The following TMEM217B variants were observed in gnomAD, a reference collection of about 807,000 sequenced individuals.
TMEM217B encodes the protein putative transmembrane protein 217B.
chr6:37,218,360 G>A, the TMEM217B span: 19 of 1,320,930 alleles, frequency 1.4e-5, no homozygotes, highest in East Asian at 9.4e-5. Flanking sequence ...TAGTAGAGAC[G>A]GGGTTTTGCC....
the TMEM217B span, chr6:37,212,924 G>A: frequency 6.5e-7 from 1 of 1,549,996 alleles, no homozygotes; most frequent in South Asian, 1.2e-5. Context: ...GTGGTATTAA[G>A]GACAGAGAAG....
the TMEM217B span, among the ~76,000 whole-genome samples, chr6:37,245,508 G>T: frequency 6.6e-6 from 1 of 152,242 alleles, no homozygotes; most frequent in African/African-American, 2.4e-5. Context: ...CATGTGCCAT[G>T]ACTTAGTTCA....
the TMEM217B span, among the ~76,000 whole-genome samples, chr6:37,256,649 A>G: frequency 4.6e-5 from 7 of 151,024 alleles, no homozygotes; most frequent in African/African-American, 1.2e-4. Flanking sequence ...GTTGGAGGAC[A>G]TATAAAAGAA....
chr6:37,217,829 C>T, the TMEM217B span: 110 of 985,174 alleles, frequency 1.1e-4, no homozygotes, highest in Non-Finnish European at 1.3e-4. Flanking sequence ...ATGAAGATGC[C>T]AAGAAAAAAG....
the TMEM217B span, among the ~76,000 whole-genome samples, chr6:37,237,468 C>G: frequency 1.3e-5 from 2 of 152,150 alleles, no homozygotes; most frequent in African/African-American, 4.8e-5. Flanking sequence ...AAGTCGTTTG[C>G]AAGAAATTAT....
the TMEM217B span, chr6:37,218,247 G>A: frequency 1.5e-6 from 2 of 1,301,204 alleles, no homozygotes; most frequent in Non-Finnish European, 2.0e-6. Context: ...TCGGCTCACT[G>A]CAACCTCCAC....
At chr6:37,218,201 A>C in the TMEM217B span, 1 of 1,241,678 alleles carries the variant, frequency 8.1e-7, no homozygotes, top group Non-Finnish European at 1.0e-6. Context: ...ACAGAGTCTT[A>C]CTCTGTCACT....
the TMEM217B span, among the ~76,000 whole-genome samples, chr6:37,239,477 A>AAAATAAATAAAT: frequency 6.7e-6 from 1 of 150,014 alleles, no homozygotes; most frequent in African/African-American, 2.5e-5. Context: ...TCTGTCTTAA[A>AAAATAAATAAAT]AAATAAATAA....
At chr6:37,237,447 CA>C in the TMEM217B span, among the ~76,000 whole-genome samples, 3 of 152,180 alleles carry the variant, frequency 2.0e-5, no homozygotes, top group Non-Finnish European at 4.4e-5. Flanking sequence ...TGACAACACA[CA>C]ACACAAGGCA....
the TMEM217B span, among the ~76,000 whole-genome samples, chr6:37,251,918 A>C: frequency 2.0e-5 from 3 of 152,064 alleles, no homozygotes; most frequent in African/African-American, 7.2e-5. Flanking sequence ...TATGAGATGG[A>C]GTTTCACTCT....
At chr6:37,257,983 G>A in the TMEM217B span, 2 of 1,613,958 alleles carry the variant, frequency 1.2e-6, no homozygotes, top group East Asian at 2.2e-5. Context: ...GGTGAGCCCA[G>A]GACGCTGAGA....
At chr6:37,230,322 GC>G in the TMEM217B span, among the ~76,000 whole-genome samples, 16 of 152,184 alleles carry the variant, frequency 1.1e-4, no homozygotes, top group African/African-American at 3.9e-4. Context: ...AGTCCCTTTT[GC>G]GTACTCACAG....
the TMEM217B span, among the ~76,000 whole-genome samples, chr6:37,225,283 C>T: frequency 6.6e-6 from 1 of 151,838 alleles, no homozygotes; most frequent in Non-Finnish European, 1.5e-5. Flanking sequence ...GTGCAAGGGG[C>T]AGGGATAGGG....
chr6:37,256,338 C>G, the TMEM217B span, among the ~76,000 whole-genome samples: 5 of 152,224 alleles, frequency 3.3e-5, no homozygotes, highest in Admixed American at 3.3e-4. Flanking sequence ...AAAGGTCTGG[C>G]TGTCCAGAAT....
At chr6:37,229,254 A>G in the TMEM217B span, among the ~76,000 whole-genome samples, 1 of 151,570 alleles carries the variant, frequency 6.6e-6, no homozygotes. Flanking sequence ...ACTCAACTGA[A>G]CAGAGTAAGC....
At chr6:37,257,903 C>A in the TMEM217B span, 2 of 1,612,732 alleles carry the variant, frequency 1.2e-6, no homozygotes, top group East Asian at 2.2e-5. Context: ...ACAAGGACTT[C>A]CCCCGGCCAG....
At chr6:37,212,837 T>G in the TMEM217B span, 1 of 1,132,016 alleles carries the variant, frequency 8.8e-7, no homozygotes, top group East Asian at 2.6e-5. Flanking sequence ...AGCTCCGACT[T>G]TGAGTCCACG....
the TMEM217B span, among the ~76,000 whole-genome samples, chr6:37,249,933 C>T: frequency 2.1e-4 from 32 of 152,208 alleles, no homozygotes; most frequent in African/African-American, 7.5e-4. Flanking sequence ...TAGTTGTTCA[C>T]TTATGCAGAA....
At chr6:37,215,597 A>G in the TMEM217B span, among the ~76,000 whole-genome samples, 247 of 146,976 alleles carry the variant, frequency 1.7e-3, 4 homozygotes, top group East Asian at 0.018. Context: ...AAAAAAAAAA[A>G]AAAAGAAAAG....
Sources: allele counts gnomAD v4.1 joint callset (sites outside exome capture counted in the v4.1 genomes callset), GRCh38; gene constraint gnomAD v4.1.1; transcripts MANE v1.5; gene names NCBI Gene and HGNC (gene_info 2026-07-23, HGNC 2026-07-21).